Variants in MYO1H observed in about 807,000 individuals in gnomAD.
The protein encoded by MYO1H is myosin IH.
MYO1H carries 118 observed loss-of-function variants against 149.3 expected under a neutral mutation model. The ratio of observed to expected loss-of-function variants is 0.79; its 90% CI spans 0.68 to 0.92. The LOEUF is 0.92. Among genes scored for constraint, MYO1H ranks in the 40% least tolerant of loss-of-function variants. The pLI, the probability that MYO1H is intolerant of heterozygous loss-of-function variation, is 0.00. For missense variants in MYO1H, 1,212 were observed against 1,280.7 expected (o/e 0.95, Z 0.82); for synonymous variants, 447 against 465.2 (o/e 0.96, Z 0.50).
chr12:109,388,973 C>A, intron 2 of MYO1H, 129 bp downstream of exon 2: 1 of 1,170,378 alleles, frequency 8.5e-7, no homozygotes, highest in Non-Finnish European at 1.2e-6. Flanking sequence ...AGGCGCCACT[C>A]TTAGATGCAC....
chr12:109,436,220 G>A (rs547745875), intron 21 of MYO1H, among the ~76,000 whole-genome samples: 24 of 152,242 alleles, frequency 1.6e-4, no homozygotes, highest in African/African-American at 5.1e-4. Flanking sequence ...ACATGGAACT[G>A]GGGGGCTTGT....
the MYO1H span, among the ~76,000 whole-genome samples, chr12:109,317,402 G>A: frequency 1.3e-4 from 20 of 152,196 alleles, no homozygotes; most frequent in African/African-American, 4.3e-4. Context: ...TAACCATTTC[G>A]ATAGTAATTT....
the MYO1H span, among the ~76,000 whole-genome samples, chr12:109,322,977 T>A: frequency 6.9e-6 from 1 of 144,104 alleles, no homozygotes; most frequent in South Asian, 2.2e-4. Flanking sequence ...CATGGTGTTG[T>A]GCGCCTGTGG....
chr12:109,414,684 A>G (rs1870828393), intron 14 of MYO1H, among the ~76,000 whole-genome samples: 1 of 152,022 alleles, frequency 6.6e-6, no homozygotes, highest in Non-Finnish European at 1.5e-5. Flanking sequence ...ATTTCTCAGC[A>G]TTTATGGGAA....
chr12:109,353,354 A>T (rs181796117), intron 1 of MYO1H, among the ~76,000 whole-genome samples: 4,722 of 129,504 alleles, frequency 0.036, 116 homozygotes, highest in Middle Eastern at 0.1. Context: ...ATATTGCGCC[A>T]TTGCACTCCA....
Position 109,417,682 on chromosome 12 carries a change from C to T in MYO1H, c.1597+2062C>T, listed in dbSNP as rs368698256. Among the ~76,000 whole-genome samples, 4 of 152,178 alleles carry T rather than the reference C, an allele frequency of 2.6e-5. No individual in the cohort carries two copies. The South Asian group carries it at 6.2e-4, about 24-fold the overall frequency. ...GGGTGTGAAGTGGTATCTCATTGTG[C>T]TTTTGATTTGCATTTCTCTAATGAC... On this transcript the variant is annotated intron_variant, in intron 15 of 31. Coordinates refer to ENST00000310903, the Ensembl canonical transcript of MYO1H.
At chr12:109,431,038 G>C (rs1592814965) in intron 19 of MYO1H, among the ~76,000 whole-genome samples, 1 of 148,958 alleles carries the variant, frequency 6.7e-6, no homozygotes, top group Admixed American at 6.7e-5. Context: ...CTGGGAGACA[G>C]AGCGAGACTC....
intron 1 of MYO1H, among the ~76,000 whole-genome samples, chr12:109,366,909 C>G (rs754039479): frequency 3.9e-5 from 6 of 152,164 alleles, no homozygotes; most frequent in Non-Finnish European, 7.4e-5. Flanking sequence ...CCACTTGATG[C>G]TCAAAGGAAA....
chr12:109,348,099 T>A (rs1868375579), intron 1 of MYO1H, 127 bp downstream of exon 1: 1 of 398,216 alleles, frequency 2.5e-6, no homozygotes, highest in Non-Finnish European at 4.4e-6. Context: ...GTGAATAAGA[T>A]TCTGAATTTA....
intron 1 of MYO1H, among the ~76,000 whole-genome samples, chr12:109,376,252 C>T (rs1251541425): frequency 2.0e-5 from 3 of 152,188 alleles, no homozygotes; most frequent in Non-Finnish European, 2.9e-5. Context: ...TAGCAGTCAC[C>T]TCAAACTGCC....
the MYO1H span, among the ~76,000 whole-genome samples, chr12:109,318,982 T>TTTTTTG: frequency 1.7e-4 from 24 of 144,986 alleles, no homozygotes; most frequent in East Asian, 2.2e-3. Context: ...GTTTTTTTTT[T>TTTTTTG]TTTTTTTTTT....
chr12:109,443,901 CA>C lies in MYO1H; in HGVS notation c.2824+263del, dbSNP rs370108094. On this transcript the variant is annotated intron_variant, in intron 28 of 31. Transcript: ENST00000310903. Reference sequence around the variant, plus strand: ...TGGGTGGCAAAGTGAGACTCTGGCTCAAAAAAAAAAACAAAAAACAAAACCA... The same window carrying C: ...TGGGTGGCAAAGTGAGACTCTGGCTCAAAAAAAAAACAAAAAACAAAACCA... Among the ~76,000 whole-genome samples the C allele has an allele frequency of 4.4e-3, 622 of 141,194 alleles. 6 individuals carry two copies. The highest frequency in any genetic ancestry group is 0.014 in the African/African-American group (542 of 38,820). The allele number at this position is 141,194 out of a possible 152,430, so 92.6% of individuals were successfully genotyped here. A position where few individuals can be genotyped will look rare whatever the true frequency, so the allele number is the denominator to read the frequency against.
At chr12:109,331,463 G>T in the MYO1H span, among the ~76,000 whole-genome samples, 7 of 151,608 alleles carry the variant, frequency 4.6e-5, no homozygotes, top group Admixed American at 4.6e-4. Flanking sequence ...AGTAGGAACA[G>T]ACTGGGGTGC....
intron 1 of MYO1H, among the ~76,000 whole-genome samples, chr12:109,371,910 G>A (rs1412469702): frequency 6.6e-6 from 1 of 152,062 alleles, no homozygotes; most frequent in African/African-American, 2.4e-5. Context: ...TGAGTGAAAT[G>A]GAGTATCTTC....
At chr12:109,385,773 T>C (rs1869292813) in intron 1 of MYO1H, among the ~76,000 whole-genome samples, 1 of 152,190 alleles carries the variant, frequency 6.6e-6, no homozygotes, top group Non-Finnish European at 1.5e-5. Context: ...AATAGTATCA[T>C]AAATCCCCCT....
the MYO1H span, among the ~76,000 whole-genome samples, chr12:109,333,236 C>T: frequency 1.3e-5 from 2 of 152,030 alleles, no homozygotes; most frequent in Non-Finnish European, 2.9e-5. Context: ...AGGAGAATCC[C>T]TTGAACCTGG....
chr12:109,327,134 CTTT>C, the MYO1H span, among the ~76,000 whole-genome samples: 1 of 94,738 alleles, frequency 1.1e-5, no homozygotes, highest in Non-Finnish European at 2.0e-5. Context: ...TTTTCTTTTT[CTTT>C]TTTTTTTTTT....
intron 1 of MYO1H, among the ~76,000 whole-genome samples, chr12:109,387,403 A>G (rs1230744797): frequency 6.6e-6 from 1 of 152,228 alleles, no homozygotes; most frequent in African/African-American, 2.4e-5. Context: ...TAATTTGGCT[A>G]TGCTAGGACC....
At chr12:109,317,657 T>C in the MYO1H span, among the ~76,000 whole-genome samples, 1 of 152,198 alleles carries the variant, frequency 6.6e-6, no homozygotes, top group African/African-American at 2.4e-5. Context: ...TGAATGTCTG[T>C]GTCTGGCTGA....
Sources: gnomAD v4.1 joint callset for allele counts (sites outside exome capture counted in the v4.1 genomes callset) on GRCh38, gnomAD v4.1.1 for gene constraint, MANE v1.5 for transcripts, NCBI Gene and HGNC (gene_info 2026-07-23, HGNC 2026-07-21) for gene names.